Variants in FGD3 observed in about 807,000 individuals in gnomAD.
FGD3 encodes the protein FYVE, RhoGEF and PH domain-containing protein 3.
A neutral mutation model predicts 71.8 loss-of-function variants in FGD3; 45 were observed. That is an observed-to-expected ratio of 0.63 (90% confidence interval 0.49 to 0.80). The LOEUF (loss-of-function observed/expected upper bound fraction) is 0.80. Ranked by LOEUF, FGD3 falls within the 30% of genes least tolerant of loss-of-function variation. FGD3 has a pLI of 0.00. For missense variants in FGD3, 844 were observed against 951.5 expected (o/e 0.89, Z 1.49); for synonymous variants, 378 against 392.8 (o/e 0.96, Z 0.44).
chr9:92,980,134 C>T (rs1859931722), intron 3 of FGD3, among the ~76,000 whole-genome samples: 1 of 152,048 alleles, frequency 6.6e-6, no homozygotes, highest in Non-Finnish European at 1.5e-5. Flanking sequence ...AATTCTCCCG[C>T]CCCAGCCTCC....
intron 13 of FGD3, 84 bp downstream of exon 13, chr9:93,020,508 C>A: frequency 1.8e-6 from 2 of 1,142,852 alleles, no homozygotes; most frequent in Non-Finnish European, 2.6e-6. Flanking sequence ...TCTGGGTGGG[C>A]AGCTTGACCT....
At chr9:93,006,315 C>A in intron 6 of FGD3, 135 bp downstream of exon 6, 2 of 1,044,956 alleles carry the variant, frequency 1.9e-6, no homozygotes, top group Non-Finnish European at 2.5e-6. Flanking sequence ...AATTTTGGAA[C>A]ATAGAGAAAA....
Position 92,973,329 on chromosome 9 carries a change from G to T in FGD3, c.-217-1909G>T, listed in dbSNP as rs569945090. Among the ~76,000 whole-genome samples the T allele has an allele frequency of 1.3e-3, 192 of 152,078 alleles. 2 individuals are homozygous for T. Among genetic ancestry groups the T allele is most frequent in the Middle Eastern group, 0.01 (3 of 294 alleles). ...AGGGTTTCTCCATGTTGGCCAGGCTGGTCTCGAACTCCTGCCCTCAAGTGA... is the reference window on the plus strand; with the variant it reads ...AGGGTTTCTCCATGTTGGCCAGGCTTGTCTCGAACTCCTGCCCTCAAGTGA... On this transcript the variant is annotated intron_variant, in intron 1 of 17. Coordinates refer to ENST00000375482, the MANE Select transcript of FGD3 (RefSeq NM_001083536.2).
At chr9:92,951,385 A>T (rs907181373) in intron 1 of FGD3, among the ~76,000 whole-genome samples, 1 of 152,218 alleles carries the variant, frequency 6.6e-6, no homozygotes. Context: ...TTCCTAAAAT[A>T]AAGTTGTGTA....
At chr9:93,029,706 G>A (rs981776506) in intron 14 of FGD3, among the ~76,000 whole-genome samples, 168 bp from the exon 15 acceptor site, 2 of 152,252 alleles carry the variant, frequency 1.3e-5, no homozygotes, top group Non-Finnish European at 2.9e-5. Flanking sequence ...AGGGAGGGAA[G>A]AGAGACGTGG....
rs1282224636 is a variant in FGD3 at position 92,975,418 on chromosome 9, G to C, written c.-50+13G>C. On this transcript the variant is annotated intron_variant, in intron 2 of 17. Transcript: ENST00000375482. ...CTGGTGGCATCAGGTATGGGGATAAGTGACCGCCACTTGCAGCCCCTAGGC... is the reference window on the plus strand; with the variant it reads ...CTGGTGGCATCAGGTATGGGGATAACTGACCGCCACTTGCAGCCCCTAGGC... The C allele has an allele frequency of 6.6e-6, 1 of 152,240 alleles. No individual in the cohort carries two copies. The highest frequency in any genetic ancestry group is 1.9e-4 in the East Asian group (1 of 5,188). The allele number at this position is 152,240 out of a possible 1,614,324, so 9.4% of individuals were successfully genotyped here.
At position 92,955,309 on chromosome 9, in the gene FGD3, C is replaced by T. The variant is rs377532072; in HGVS notation, c.-218+7580C>T. Among the ~76,000 whole-genome samples the T allele has an allele frequency of 1.3e-3, 198 of 151,984 alleles. 1 individual carries two copies. Among genetic ancestry groups the T allele is most frequent in the African/African-American group, 4.5e-3 (187 of 41,464 alleles). On this transcript the variant is annotated intron_variant, in intron 1 of 17. Transcript: ENST00000375482. ...CAGCACTTTGGGAGGCTGAGGTGGG[C>T]GGATCACCTGAGGTCAGGAGTTCGA...
At chr9:93,017,991 C>T (rs1372907713) in intron 10 of FGD3, 145 bp from the exon 11 acceptor site, 4 of 754,286 alleles carry the variant, frequency 5.3e-6, no homozygotes, top group Non-Finnish European at 9.1e-6. Context: ...ACCTAAGCCT[C>T]TGCACCCCTC....
intron 14 of FGD3, among the ~76,000 whole-genome samples, chr9:93,026,517 A>G (rs1862120088): frequency 6.6e-6 from 1 of 152,196 alleles, no homozygotes; most frequent in Admixed American, 6.5e-5. Context: ...TGCGGACCTC[A>G]GCTCCATGGG....
At chr9:93,006,535 TG>T (rs1861061783) in intron 6 of FGD3, among the ~76,000 whole-genome samples, 1 of 152,190 alleles carries the variant, frequency 6.6e-6, no homozygotes, top group Non-Finnish European at 1.5e-5. Flanking sequence ...CAGGCATTTT[TG>T]TTTAAATGTT....
At chr9:93,013,402 C>T (rs1025457338) in intron 8 of FGD3, among the ~76,000 whole-genome samples, 2 of 152,208 alleles carry the variant, frequency 1.3e-5, no homozygotes, top group Admixed American at 6.5e-5. Flanking sequence ...TTGACGCTGT[C>T]CCATCGCACT....
intron 8 of FGD3, 104 bp from the exon 9 acceptor site, chr9:93,013,748 C>G: frequency 6.9e-7 from 1 of 1,455,118 alleles, no homozygotes; most frequent in South Asian, 1.2e-5. Context: ...GCTCATTGCC[C>G]TCTCTGGATT....
At chr9:92,977,528 G>C (rs904834316) in intron 3 of FGD3, among the ~76,000 whole-genome samples, 12 of 152,140 alleles carry the variant, frequency 7.9e-5, no homozygotes, top group African/African-American at 2.9e-4. Context: ...GCAGGTGAAG[G>C]GCAGTCCGGT....
At chr9:92,962,890 A>T (rs1859196462) in intron 1 of FGD3, among the ~76,000 whole-genome samples, 1 of 148,998 alleles carries the variant, frequency 6.7e-6, no homozygotes, top group Non-Finnish European at 1.5e-5. Context: ...AAGTGAGCTG[A>T]CTTTGCGCCA....
At chr9:93,034,820 C>A in intron 17 of FGD3, 139 bp downstream of exon 17, 1 of 988,366 alleles carries the variant, frequency 1.0e-6, no homozygotes, top group East Asian at 2.7e-5. Flanking sequence ...TCCCCGGCAG[C>A]GCAGGATTCC....
rs553243135 is a variant in FGD3, at chr9:93,011,505, T to G, written c.1035+233T>G. Among the ~76,000 whole-genome samples, 3 of 152,304 alleles carry G rather than the reference T, an allele frequency of 2.0e-5. No homozygotes were observed. In the South Asian group the frequency reaches 6.2e-4, roughly 32 times the overall value. Reference sequence around the variant, plus strand: ...AGCACTCTATGCCTTAGTTTCCCCATCTATAAAATGGGAGCCCCGACAGAG... The same window carrying G: ...AGCACTCTATGCCTTAGTTTCCCCAGCTATAAAATGGGAGCCCCGACAGAG... On this transcript the variant is annotated intron_variant, in intron 8 of 17. Transcript: ENST00000375482.
chr9:92,991,725 C>T (rs1023580901), intron 3 of FGD3, among the ~76,000 whole-genome samples: 15 of 152,238 alleles, frequency 9.9e-5, no homozygotes, highest in African/African-American at 3.6e-4. Flanking sequence ...TCTAGATGAT[C>T]TATCTAATAC....
At chr9:92,973,506 G>T (rs1399262120) in intron 1 of FGD3, among the ~76,000 whole-genome samples, 3 of 152,136 alleles carry the variant, frequency 2.0e-5, no homozygotes, top group Admixed American at 2.0e-4. Flanking sequence ...ATATTTTTTA[G>T]CTTTGTTCAA....
chr9:93,018,894 G>T (rs1861806101), intron 11 of FGD3, among the ~76,000 whole-genome samples: 1 of 152,028 alleles, frequency 6.6e-6, no homozygotes. Context: ...CTCCCAGGCT[G>T]GAGTGCAGTG....
Sources: gnomAD v4.1 joint callset for allele counts (sites outside exome capture counted in the v4.1 genomes callset) on GRCh38, gnomAD v4.1.1 for gene constraint, MANE v1.5 for transcripts, NCBI Gene and HGNC (gene_info 2026-07-23, HGNC 2026-07-21) for gene names.